The following TNK1 variants were observed in gnomAD, a reference collection of about 807,000 sequenced individuals.
TNK1 encodes tyrosine kinase non receptor 1, also known as non-receptor tyrosine-protein kinase TNK1.
TNK1 carries 53 observed loss-of-function variants against 65.2 expected under a neutral mutation model. That is an observed-to-expected ratio of 0.81 (90% confidence interval 0.65 to 1.02). The LOEUF (loss-of-function observed/expected upper bound fraction) is 1.02. Ranked by LOEUF, TNK1 falls within the 50% of genes least tolerant of loss-of-function variation. The pLI is 0.00. For missense variants in TNK1, 837 were observed against 878.4 expected (o/e 0.95, Z 0.60); for synonymous variants, 353 against 364.6 (o/e 0.97, Z 0.36).
chr17:7,388,936 G>A lies in TNK1; in HGVS notation c.1873-35G>A. The A allele has an allele frequency of 6.4e-7, 1 of 1,555,948 alleles. No homozygotes were observed. Among genetic ancestry groups the A allele is most frequent in the Non-Finnish European group, 8.7e-7 (1 of 1,149,060 alleles). On this transcript the variant is annotated intron_variant, in intron 12 of 12. Coordinates refer to ENST00000688331, the MANE Select transcript of TNK1 (RefSeq NM_003985.6). This position sits in a 1 kb window ranked among gnomAD's most constrained non-coding sequence, Gnocchi z 4.5. The stretch of plus-strand genomic sequence containing the variant: ...CCTCCTCTCCTGCCCCTGCCGCCTG[G>A]CAGTCAGCTGCAACCCACCCTCCTG...
At chr17:7,385,702 T>C (rs552153860) in intron 7 of TNK1, among the ~76,000 whole-genome samples, 45 of 152,172 alleles carry the variant, frequency 3.0e-4, no homozygotes, top group Admixed American at 1.4e-3. Flanking sequence ...GTAGCTGGGA[T>C]TACAGGCGCC....
In TNK1 at chr17:7,383,522, T is replaced by C. The variant is rs1441184707; in HGVS notation, c.332T>C (p.Ile111Thr). ...PEPEGGLKCL[I>T]PEGAVCRGEL... ...CCAGAGGGGGGCCTCAAGTGTCTGATCCCAGAGGGTGCTGTTTGCAGAGGG... is the reference window on the plus strand; with the variant it reads ...CCAGAGGGGGGCCTCAAGTGTCTGACCCCAGAGGGTGCTGTTTGCAGAGGG... Residue 111 changes from isoleucine to threonine, a missense_variant, in exon 4 of 13, where the codon ATC becomes ACC. By Grantham distance (89) the Ile-to-Thr change is moderately conservative (BLOSUM62 -1). Coordinates refer to ENST00000688331, the MANE Select transcript of TNK1 (RefSeq NM_003985.6). The C allele has an allele frequency of 1.2e-6, 2 of 1,613,842 alleles. No homozygotes were observed. The highest frequency in any genetic ancestry group is 4.5e-5 in the East Asian group (2 of 44,874).
chr17:7,387,568 C>A, intron 10 of TNK1, 111 bp downstream of exon 10: 2 of 886,174 alleles, frequency 2.3e-6, no homozygotes, highest in Non-Finnish European at 3.4e-6. Flanking sequence ...CCTCTGAATT[C>A]TGTCTGCTGG....
At chr17:7,385,567 TTAG>T (rs1188318505) in intron 7 of TNK1, among the ~76,000 whole-genome samples, 1 of 90,756 alleles carries the variant, frequency 1.1e-5, no homozygotes, top group African/African-American at 4.6e-5. Context: ...GTAATTATTA[TTAG>T]TAGTATTTTA....
At chr17:7,383,351 G>C in intron 3 of TNK1, 31 bp downstream of exon 3, 2 of 1,613,990 alleles carry the variant, frequency 1.2e-6, no homozygotes, top group Non-Finnish European at 1.7e-6. Context: ...GCTTGGGCCT[G>C]GGAATGAGGT....
In TNK1 at chr17:7,389,217, C is replaced by T. The variant is rs1027315143; in HGVS notation, c.*133C>T. 8.6e-6 allele frequency: 6 copies of T among 695,842 alleles called. No individual in the cohort carries two copies. The highest frequency in any genetic ancestry group is 3.7e-5 in the South Asian group (2 of 53,892). 43.1% of individuals were successfully genotyped at this position (695,842 alleles called of 1,614,324 possible). On this transcript the variant is annotated 3_prime_UTR_variant, in exon 13 of 13. Transcript: ENST00000688331. ...TTCCACCTGGGGAGATCCCACCTGC[C>T]GTAGGCACATGGAGGAGGAGCCCAG...
At position 7,383,285 on chromosome 17, in the gene TNK1, C is replaced by G. The variant is rs907955923; in HGVS notation, c.199C>G (p.Arg67Gly). ...RRLSEALKRL[R>G]SGPKSKNWVY... ...ACTGTCCGAAGCTCTGAAAAGGCTA[C>G]GTTCTGGGCCTAAGTCTAAGAACTG... The change falls in exon 3 of 13, where the codon CGT (arginine) becomes GGT (glycine). Residue 67 changes from arginine to glycine, a missense_variant. Physicochemically the swap from Arg to Gly is moderately radical, Grantham distance 125. Transcript: ENST00000688331. The G allele has an allele frequency of 3.7e-6, 6 of 1,614,028 alleles. No homozygotes were observed. Among genetic ancestry groups the G allele is most frequent in the Non-Finnish European group, 5.1e-6 (6 of 1,179,896 alleles).
intron 7 of TNK1, 77 bp from the exon 8 acceptor site, chr17:7,386,481 GCTC>G: frequency 8.9e-7 from 1 of 1,121,200 alleles, no homozygotes; most frequent in Non-Finnish European, 1.3e-6. Context: ...ACAGAGCGGA[GCTC>G]CTCTTTATTC....
intron 8 of TNK1, 43 bp from the exon 9 acceptor site, chr17:7,386,947 T>C: frequency 6.6e-7 from 1 of 1,507,780 alleles, no homozygotes; most frequent in Non-Finnish European, 8.9e-7. Flanking sequence ...GCCCTAACTC[T>C]TGCCCTTATT....
chr17:7,384,293 C>G lies in TNK1; in HGVS notation c.866+40C>G. On this transcript the variant is annotated intron_variant, in intron 6 of 12. Coordinates refer to ENST00000688331, the MANE Select transcript of TNK1 (RefSeq NM_003985.6). Reference sequence around the variant, plus strand: ...GCGGGCGGTCGGGCTCTGAGCCGGGCGGATCCGGAGGGCAGCAGCCGAGGG... The same window carrying G: ...GCGGGCGGTCGGGCTCTGAGCCGGGGGGATCCGGAGGGCAGCAGCCGAGGG... 4 of 1,437,612 alleles carry G rather than the reference C, an allele frequency of 2.8e-6. No homozygotes were observed. In the Admixed American group the frequency reaches 1.2e-4, roughly 41 times the overall value. The allele number at this position is 1,437,612 out of a possible 1,614,324, so 89.1% of individuals were successfully genotyped here. A position where few individuals can be genotyped will look rare whatever the true frequency, so the allele number is the denominator to read the frequency against.
Position 7,388,563 on chromosome 17 carries a change from C to G in TNK1, c.1635C>G (p.Ser545Arg), listed in dbSNP as rs1470337013. 6.2e-7 allele frequency: 1 copy of G among 1,613,910 alleles called. No individual in the cohort carries two copies. The highest frequency in any genetic ancestry group is 1.3e-5 in the African/African-American group (1 of 74,932). ...PPLSSSSPQP[S>R]QPSRERLPWP... The stretch of plus-strand genomic sequence containing the variant: ...TATCCTCTAGCTCTCCTCAGCCCAG[C>G]CAGCCCTCTAGGGAGAGGCTTCCCT... Residue 545 changes from serine (S) to arginine (R), a missense_variant, in exon 11 of 13, where the codon AGC (serine) becomes AGG (arginine). Coordinates refer to ENST00000688331, the MANE Select transcript of TNK1 (RefSeq NM_003985.6). This position sits in a 1 kb window ranked among gnomAD's most constrained non-coding sequence, Gnocchi z 4.5.
Position 7,388,398 on chromosome 17 carries a change from C to A in TNK1, c.1478-8C>A. 1 of 1,590,060 alleles carries A rather than the reference C, an allele frequency of 6.3e-7. No individual in the cohort carries two copies. The highest frequency in any genetic ancestry group is 1.1e-5 in the South Asian group (1 of 88,180). On this transcript the variant is annotated splice_region_variant and splice_polypyrimidine_tract_variant and intron_variant, in intron 10 of 12. Transcript: ENST00000688331. The surrounding 1 kb of genome is among the most constrained non-coding windows in gnomAD (Gnocchi z 4.5). ...CGAGTTCAAGTTGTTTCCTTCTCAA[C>A]TGTGCAGGCATTTCCAGGAGTCTGG...
chr17:7,387,303 T>C, intron 9 of TNK1, 75 bp from the exon 10 acceptor site: 1 of 1,537,788 alleles, frequency 6.5e-7, no homozygotes, highest in South Asian at 1.2e-5. Context: ...CCCTGTGAGT[T>C]TTTTTGGGAG....
At chr17:7,387,603 A>ATTT (rs35318852) in intron 10 of TNK1, 146 bp downstream of exon 10, 364 of 411,146 alleles carry the variant, frequency 8.9e-4, no homozygotes, top group Admixed American at 1.4e-3. Context: ...TGTGCAATCT[A>ATTT]TTTTTTTTTT....
rs558708560 is a variant in TNK1, at chr17:7,389,425, G to A, written c.*341G>A. On this transcript the variant is annotated 3_prime_UTR_variant, in exon 13 of 13. Coordinates refer to ENST00000688331, the MANE Select transcript of TNK1 (RefSeq NM_003985.6). ...GCTTCTACGCGCTAGAGAGGATCAAGGGGCCACACTGGACCATGTGAACAG... is the reference window on the plus strand; with the variant it reads ...GCTTCTACGCGCTAGAGAGGATCAAAGGGCCACACTGGACCATGTGAACAG... 5 of 461,712 alleles carry A rather than the reference G, an allele frequency of 1.1e-5. 1 individual carries two copies. In the South Asian group the frequency reaches 1.7e-4, roughly 16 times the overall value. 28.6% of individuals were successfully genotyped at this position (461,712 alleles called of 1,614,324 possible).
At position 7,388,694 on chromosome 17, in the gene TNK1, A is replaced by G. The variant is rs1905363203; in HGVS notation, c.1766A>G (p.Lys589Arg). 6.2e-7 allele frequency: 1 copy of G among 1,613,000 alleles called. No individual in the cohort carries two copies. The highest frequency in any genetic ancestry group is 2.2e-5 in the East Asian group (1 of 44,874). The stretch of plus-strand genomic sequence containing the variant: ...TTGTCCGATCCTGAGTTGCAGAGGA[A>G]GATTATGGAGGTGAGGTCTCACTGA... ...GLLSDPELQR[K>R]IMEVELSVHG... is the part of the protein sequence containing the mutation. Residue 589 changes from lysine to arginine, a missense_variant, in exon 11 of 13, where the codon AAG (lysine) becomes AGG (arginine). Physicochemically the swap from Lys to Arg is conservative, Grantham distance 26. Coordinates refer to ENST00000688331, the MANE Select transcript of TNK1 (RefSeq NM_003985.6). This position sits in a 1 kb window ranked among gnomAD's most constrained non-coding sequence, Gnocchi z 4.5.
rs1905471743 is a variant in TNK1, at chr17:7,389,594, C to T, written c.*510C>T. The stretch of plus-strand genomic sequence containing the variant: ...CATCGTGGGTGATGACGATTGCTCT[C>T]TTGCACTCAAGGACATTTGATGCTG... On this transcript the variant is annotated 3_prime_UTR_variant, in exon 13 of 13. Transcript: ENST00000688331. 2 of 268,316 alleles carry T rather than the reference C, an allele frequency of 7.5e-6. No individual in the cohort carries two copies. 16.6% of individuals were successfully genotyped at this position (268,316 alleles called of 1,614,324 possible). A position where few individuals can be genotyped will look rare whatever the true frequency, so the allele number is the denominator to read the frequency against.
Position 7,386,973 on chromosome 17 carries a change from A to G in TNK1, c.1233-17A>G. On this transcript the variant is annotated splice_polypyrimidine_tract_variant and intron_variant, in intron 8 of 12. Coordinates refer to ENST00000688331, the MANE Select transcript of TNK1 (RefSeq NM_003985.6). ...TGCCCTTATTCCCATCCTATTTACC[A>G]GCTCCTCTTTCCACAGCCCCGACTC... 1 of 1,534,576 alleles carries G rather than the reference A, an allele frequency of 6.5e-7. No individual in the cohort carries two copies.
At chr17:7,385,097 G>A (rs1905106363) in intron 7 of TNK1, among the ~76,000 whole-genome samples, 1 of 152,176 alleles carries the variant, frequency 6.6e-6, no homozygotes, top group Non-Finnish European at 1.5e-5. Context: ...GGGCGCGGTG[G>A]CTCACGTCTC....
Sources: gnomAD v4.1 joint callset for allele counts (sites outside exome capture counted in the v4.1 genomes callset) on GRCh38, gnomAD v4.1.1 for gene constraint, Gnocchi (gnomAD v3.1) non-coding constraint, MANE v1.5 for transcripts, NCBI Gene and HGNC (gene_info 2026-07-23, HGNC 2026-07-21) for gene names.